Variants in MEGF10 observed in about 807,000 individuals in gnomAD.
MEGF10 encodes multiple EGF like domains 10.
MEGF10 carries 86 observed loss-of-function variants against 147.5 expected under a neutral mutation model. The ratio of observed to expected loss-of-function variants is 0.58; its 90% CI spans 0.49 to 0.70. The LOEUF (loss-of-function observed/expected upper bound fraction) is 0.70. MEGF10 is among the 30% of genes least tolerant of loss of function. The pLI is 0.00. For missense variants in MEGF10, 1,329 were observed against 1,487.3 expected (o/e 0.89, Z 1.75); for synonymous variants, 478 against 525.5 (o/e 0.91, Z 1.24).
In MEGF10 at chr5:127,399,738, G is replaced by A. The variant is rs251031; in HGVS notation, c.780+942G>A. Among the ~76,000 whole-genome samples, 241 of 152,018 alleles carry A rather than the reference G, an allele frequency of 1.6e-3. No homozygotes were observed. The South Asian group carries it at 0.019, about 12-fold the overall frequency. The stretch of plus-strand genomic sequence containing the variant: ...TGCCTTCTATTTTTCTAATCATCCC[G>A]TCTCTTACCTTTCATACTAAAGATC... On this transcript the variant is annotated intron_variant, in intron 7 of 24. Transcript: ENST00000503335.
chr5:127,378,546 G>A (rs1763122466), intron 5 of MEGF10, among the ~76,000 whole-genome samples: 1 of 152,152 alleles, frequency 6.6e-6, no homozygotes, highest in Non-Finnish European at 1.5e-5. Context: ...TCGACCTCCT[G>A]GGATCATGCC....
chr5:127,290,506 C>A (rs1039155878), upstream of MEGF10, among the ~76,000 whole-genome samples: 25 of 152,204 alleles, frequency 1.6e-4, no homozygotes, highest in African/African-American at 5.8e-4. Context: ...CTCTGACACC[C>A]CTTCGGTCAC....
At chr5:127,432,700 T>C (rs967146723) in intron 13 of MEGF10, among the ~76,000 whole-genome samples, 3 of 152,198 alleles carry the variant, frequency 2.0e-5, no homozygotes, top group African/African-American at 7.2e-5. Flanking sequence ...CTAAAGTTTC[T>C]CAGTATTTAA....
At chr5:127,309,967 T>TTCTTTCTC (rs1760197931) in intron 1 of MEGF10, among the ~76,000 whole-genome samples, 6 of 65,590 alleles carry the variant, frequency 9.1e-5, no homozygotes, top group African/African-American at 3.1e-4. Flanking sequence ...CTTTCTTTCT[T>TTCTTTCTC]TCTTTCTTTC....
At chr5:127,381,605 G>A (rs187930658) in intron 5 of MEGF10, among the ~76,000 whole-genome samples, 1 of 152,308 alleles carries the variant, frequency 6.6e-6, no homozygotes, top group East Asian at 1.9e-4. Context: ...ACTGTCCACT[G>A]TCCATTGGCT....
chr5:127,372,562 G>A (rs1179843901), intron 5 of MEGF10, among the ~76,000 whole-genome samples: 1 of 152,148 alleles, frequency 6.6e-6, no homozygotes, highest in Non-Finnish European at 1.5e-5. Flanking sequence ...TCACTGTCAT[G>A]TCTCCCCTGT....
At chr5:127,438,192 T>A (rs906842936) in intron 16 of MEGF10, among the ~76,000 whole-genome samples, 2 of 152,140 alleles carry the variant, frequency 1.3e-5, no homozygotes, top group African/African-American at 4.8e-5. Flanking sequence ...AAACTTGAGG[T>A]GATTTTTGCC....
the MEGF10 span, among the ~76,000 whole-genome samples, chr5:127,230,746 A>G: frequency 5.3e-5 from 8 of 152,130 alleles, no homozygotes; most frequent in Non-Finnish European, 1.0e-4. Flanking sequence ...GTTTGCCAAT[A>G]CCACGTAGGT....
chr5:127,437,438 AT>A (rs1329621199), intron 16 of MEGF10, among the ~76,000 whole-genome samples: 2 of 152,032 alleles, frequency 1.3e-5, no homozygotes, highest in African/African-American at 2.4e-5. Flanking sequence ...TTATGGAAGA[AT>A]TTTTTTCATT....
Position 127,410,618 on chromosome 5 carries a change from C to T in MEGF10, c.1130+17C>T. ...CACTCATAGGTGAGTGTCAGCTTCC[C>T]CTGGAAGGACGTGTCCTGTGAAAGT... On this transcript the variant is annotated intron_variant, in intron 9 of 24. Transcript: ENST00000503335. 1.3e-6 allele frequency: 2 copies of T among 1,578,144 alleles called. No individual in the cohort carries two copies. The highest frequency in any genetic ancestry group is 1.7e-6 in the Non-Finnish European group (2 of 1,164,430).
At chr5:127,398,376 A>G (rs185794766) in intron 6 of MEGF10, among the ~76,000 whole-genome samples, 179 of 152,294 alleles carry the variant, frequency 1.2e-3, no homozygotes, top group African/African-American at 4.2e-3. Context: ...GTGTTACATG[A>G]GAAGTTCCTG....
chr5:127,388,960 A>G (rs1205517628), intron 5 of MEGF10, among the ~76,000 whole-genome samples: 1 of 152,218 alleles, frequency 6.6e-6, no homozygotes, highest in Non-Finnish European at 1.5e-5. Flanking sequence ...TCAGTGAATC[A>G]TTAATCATTT....
the MEGF10 span, among the ~76,000 whole-genome samples, chr5:127,232,312 C>A: frequency 6.6e-6 from 1 of 152,218 alleles, no homozygotes; most frequent in African/African-American, 2.4e-5. Context: ...TTCTCTCCAA[C>A]GAAATTATCT....
At chr5:127,418,753 T>C (rs1240218954) in intron 10 of MEGF10, among the ~76,000 whole-genome samples, 1 of 152,234 alleles carries the variant, frequency 6.6e-6, no homozygotes, top group Non-Finnish European at 1.5e-5. Context: ...ATAGTTTATA[T>C]TGATGTTTAT....
At chr5:127,402,744 G>A (rs953817281) in intron 8 of MEGF10, 62 bp downstream of exon 8, 14 of 1,572,010 alleles carry the variant, frequency 8.9e-6, no homozygotes, top group South Asian at 1.2e-5. Flanking sequence ...AGTTTGTAGG[G>A]TCCGGGGAGC....
At chr5:127,320,826 T>A (rs139413149) in intron 1 of MEGF10, among the ~76,000 whole-genome samples, 327 of 152,356 alleles carry the variant, frequency 2.1e-3, no homozygotes, top group African/African-American at 7.5e-3. Flanking sequence ...CTGTGGTCAC[T>A]CTGCTTCCTG....
chr5:127,296,635 G>T (rs960707509), intron 1 of MEGF10, among the ~76,000 whole-genome samples: 1 of 152,172 alleles, frequency 6.6e-6, no homozygotes, highest in Non-Finnish European at 1.5e-5. Flanking sequence ...CATAGCCACA[G>T]GTGGTGGTTC....
the MEGF10 span, among the ~76,000 whole-genome samples, chr5:127,262,521 A>G: frequency 6.6e-6 from 1 of 152,186 alleles, no homozygotes; most frequent in African/African-American, 2.4e-5. Flanking sequence ...TACCATAAGC[A>G]TTAGGCTTCT....
intron 13 of MEGF10, among the ~76,000 whole-genome samples, chr5:127,425,408 A>G (rs1765177091): frequency 6.6e-6 from 1 of 152,042 alleles, no homozygotes; most frequent in South Asian, 2.1e-4. Context: ...GTCAGTCATT[A>G]TTGCTCCTAG....
Sources: gnomAD v4.1 joint callset for allele counts (sites outside exome capture counted in the v4.1 genomes callset) on GRCh38, gnomAD v4.1.1 for gene constraint, MANE v1.5 for transcripts, NCBI Gene and HGNC (gene_info 2026-07-23, HGNC 2026-07-21) for gene names.